Variants in AKR1E2 observed in about 807,000 individuals in gnomAD.
The protein encoded by AKR1E2 is aldo-keto reductase family 1 member E2.
Under a neutral mutation model 41.9 loss-of-function variants are expected in AKR1E2, and 43 were observed. That is an observed-to-expected ratio of 1.03 (90% CI 0.80 to 1.32). AKR1E2 has a LOEUF of 1.32. Among genes scored for constraint, AKR1E2 ranks in the 40% most tolerant of loss-of-function variants. The pLI is 0.00. For missense variants in AKR1E2, 423 were observed against 396.5 expected (o/e 1.07, Z -0.57); for synonymous variants, 121 against 138.9 (o/e 0.87, Z 0.91).
the AKR1E2 span, among the ~76,000 whole-genome samples, chr10:4,870,031 T>A: frequency 0.22 from 33,011 of 151,904 alleles, 3,790 homozygotes; most frequent in Middle Eastern, 0.34. Flanking sequence ...TAGAATGTTC[T>A]ATAAATCCCA....
intron 3 of AKR1E2, 38 bp from the exon 4 acceptor site, chr10:4,835,637 G>C (rs76758452): frequency 6.1e-6 from 9 of 1,471,786 alleles, no homozygotes; most frequent in Non-Finnish European, 7.5e-6. Flanking sequence ...GTTTTGTTTT[G>C]TTTTGTTTTC....
upstream of AKR1E2, among the ~76,000 whole-genome samples, chr10:4,825,387 G>A (rs529714358): frequency 1.3e-5 from 2 of 152,026 alleles, no homozygotes; most frequent in African/African-American, 2.4e-5. Flanking sequence ...GAGGGGCGTC[G>A]GAAGGCTCCC....
the AKR1E2 span, among the ~76,000 whole-genome samples, chr10:4,859,936 A>G: frequency 6.6e-6 from 1 of 152,152 alleles, no homozygotes; most frequent in Non-Finnish European, 1.5e-5. Context: ...GGAATTGGGG[A>G]TCGAGGCACC....
chr10:4,866,644 T>G, the AKR1E2 span, among the ~76,000 whole-genome samples: 6 of 120,364 alleles, frequency 5.0e-5, no homozygotes, highest in Non-Finnish European at 9.1e-5. Flanking sequence ...TTTTTGTTTT[T>G]GTTTTTTTTT....
At chr10:4,867,957 C>T in the AKR1E2 span, among the ~76,000 whole-genome samples, 2 of 152,140 alleles carry the variant, frequency 1.3e-5, no homozygotes, top group East Asian at 1.9e-4. Flanking sequence ...ATATATACTG[C>T]CCCCAGAGCA....
chr10:4,830,690 G>A lies in AKR1E2; in HGVS notation c.55G>A (p.Val19Met), dbSNP rs772224041. 3 of 1,614,080 alleles carry A rather than the reference G, an allele frequency of 1.9e-6. No individual in the cohort carries two copies. Among genetic ancestry groups the A allele is most frequent in the Admixed American group, 3.3e-5 (2 of 60,014 alleles). ...LSSWKASPGK[V>M]TEAVKEAIDA... Reference sequence around the variant, plus strand: ...GGTTTTGCAGGCTTCTCCAGGGAAAGTGACCGAGGCAGTGAAAGAGGCCAT... The same window carrying A: ...GGTTTTGCAGGCTTCTCCAGGGAAAATGACCGAGGCAGTGAAAGAGGCCAT... Residue 19 changes from valine to methionine, a missense_variant, in exon 2 of 10, where the codon GTG becomes ATG. Transcript: ENST00000298375.
chr10:4,826,124 C>G (rs1832464390), upstream of AKR1E2: 1 of 411,558 alleles, frequency 2.4e-6, no homozygotes. Context: ...ATACAACCAG[C>G]CAGTCAGTGC....
the AKR1E2 span, among the ~76,000 whole-genome samples, chr10:4,869,244 G>A: frequency 1.3e-5 from 2 of 152,090 alleles, no homozygotes; most frequent in African/African-American, 4.8e-5. Context: ...TTTATGTTGG[G>A]TGAGTTGTGG....
the AKR1E2 span, among the ~76,000 whole-genome samples, chr10:4,856,612 G>T: frequency 6.6e-6 from 1 of 152,140 alleles, no homozygotes; most frequent in Non-Finnish European, 1.5e-5. Context: ...ATGAAATGGT[G>T]TTTGATTTTC....
At chr10:4,851,336 T>G (rs1049745038), downstream of AKR1E2, among the ~76,000 whole-genome samples, 1 of 152,226 alleles carries the variant, frequency 6.6e-6, no homozygotes, top group East Asian at 1.9e-4. Context: ...CTGTGGTCAT[T>G]GTCACTCCCG....
chr10:4,826,206 C>A, upstream of AKR1E2: 2 of 735,420 alleles, frequency 2.7e-6, no homozygotes, highest in East Asian at 3.4e-5. Context: ...GAGTGTCAGC[C>A]GTCACAAGGC....
At chr10:4,833,328 G>A (rs550269001) in intron 2 of AKR1E2, 22 bp from the exon 3 acceptor site, 41 of 1,597,962 alleles carry the variant, frequency 2.6e-5, no homozygotes, top group South Asian at 1.8e-4. Flanking sequence ...CACGTGTGAC[G>A]CTGGTCCCCT....
chr10:4,865,661 A>G, the AKR1E2 span, among the ~76,000 whole-genome samples: 2 of 152,222 alleles, frequency 1.3e-5, no homozygotes, highest in African/African-American at 2.4e-5. Context: ...AAGTTTGTGG[A>G]AAAATAGCCC....
At chr10:4,834,300 C>CA (rs1039168934) in intron 3 of AKR1E2, among the ~76,000 whole-genome samples, 4 of 152,234 alleles carry the variant, frequency 2.6e-5, no homozygotes, top group Admixed American at 1.3e-4. Context: ...AGTAAAATAA[C>CA]AAAAAACACT....
the AKR1E2 span, among the ~76,000 whole-genome samples, chr10:4,862,943 C>CA: frequency 6.6e-6 from 1 of 151,960 alleles, no homozygotes. Flanking sequence ...AATGTAGGGG[C>CA]ACCCAGATTC....
chr10:4,858,634 G>C, the AKR1E2 span, among the ~76,000 whole-genome samples: 1 of 152,120 alleles, frequency 6.6e-6, no homozygotes, highest in Non-Finnish European at 1.5e-5. Context: ...CCCAAGACGA[G>C]AGGAATATTT....
At chr10:4,828,015 C>T (rs934703379) in intron 1 of AKR1E2, among the ~76,000 whole-genome samples, 19 of 152,172 alleles carry the variant, frequency 1.2e-4, no homozygotes, top group African/African-American at 4.3e-4. Context: ...ATCATAATCA[C>T]TCATCACTGG....
At chr10:4,836,105 A>T (rs1833394845) in intron 4 of AKR1E2, among the ~76,000 whole-genome samples, 1 of 152,180 alleles carries the variant, frequency 6.6e-6, no homozygotes, top group South Asian at 2.1e-4. Flanking sequence ...TATTTATTTC[A>T]GAAAATACAG....
chr10:4,844,337 C>T (rs3110959), intron 8 of AKR1E2, among the ~76,000 whole-genome samples: 29,913 of 151,972 alleles, frequency 0.2, 3,151 homozygotes, highest in Middle Eastern at 0.34. Context: ...CAGACCTTTG[C>T]GGTGAGTGTT....
Sources: allele counts gnomAD v4.1 joint callset (sites outside exome capture counted in the v4.1 genomes callset), GRCh38; gene constraint gnomAD v4.1.1; transcripts MANE v1.5; gene names NCBI Gene and HGNC (gene_info 2026-07-23, HGNC 2026-07-21).